Variants in RALGAPA1 observed in about 807,000 individuals in gnomAD.
RALGAPA1 encodes ral GTPase-activating protein subunit alpha-1.
A neutral mutation model predicts 269.6 loss-of-function variants in RALGAPA1; 52 were observed. That is an observed-to-expected ratio of 0.19 (90% CI 0.15 to 0.24). The LOEUF (loss-of-function observed/expected upper bound fraction) is 0.24, where lower values mean the gene tolerates loss of function less well. Among genes scored for constraint, RALGAPA1 ranks in the 10% least tolerant of loss-of-function variants. The pLI, the probability that RALGAPA1 is intolerant of heterozygous loss-of-function variation, is 1.00. For synonymous variants in RALGAPA1, 817 were observed against 1,008.3 expected (o/e 0.81, Z 3.60); for missense variants, 1,917 against 3,013.9 (o/e 0.64, Z 8.52).
At chr14:35,759,681 G>A (rs117358502) in intron 6 of RALGAPA1, among the ~76,000 whole-genome samples, 5,389 of 151,764 alleles carry the variant, frequency 0.036, 235 homozygotes, top group East Asian at 0.25. Context: ...AGTCCGAGGC[G>A]GACCAATCAC....
intron 35 of RALGAPA1, among the ~76,000 whole-genome samples, chr14:35,624,639 G>T (rs2060877889): frequency 6.6e-6 from 1 of 151,900 alleles, no homozygotes; most frequent in African/African-American, 2.4e-5. Flanking sequence ...AGCAAGAAAC[G>T]ATGGCTCAAT....
chr14:35,761,871 C>T (rs903674713), intron 5 of RALGAPA1, among the ~76,000 whole-genome samples: 1 of 152,292 alleles, frequency 6.6e-6, no homozygotes, highest in African/African-American at 2.4e-5. Flanking sequence ...AGAAAAGCTA[C>T]AGGAAGGCTT....
intron 12 of RALGAPA1, among the ~76,000 whole-genome samples, chr14:35,734,189 A>C (rs577339334): frequency 6.6e-6 from 1 of 152,318 alleles, no homozygotes; most frequent in Admixed American, 6.5e-5. Context: ...TTCTTCACAG[A>C]ATTAGAAAAA....
chr14:35,606,553 G>T (rs989215201), intron 35 of RALGAPA1, among the ~76,000 whole-genome samples: 2 of 152,158 alleles, frequency 1.3e-5, no homozygotes, highest in African/African-American at 2.4e-5. Flanking sequence ...TAATAGCCAA[G>T]TTCTTAGACA....
intron 10 of RALGAPA1, 105 bp downstream of exon 10, chr14:35,748,480 C>G: frequency 7.6e-7 from 1 of 1,316,414 alleles, no homozygotes; most frequent in African/African-American, 1.5e-5. Flanking sequence ...TCCTGAACAA[C>G]TACAACTAAA....
chr14:35,612,546 T>TTC (rs2139333986), intron 35 of RALGAPA1, among the ~76,000 whole-genome samples: 1 of 150,664 alleles, frequency 6.6e-6, no homozygotes, highest in East Asian at 1.9e-4. Flanking sequence ...TTCTTCTTTT[T>TTC]TTTTTTTTTT....
chr14:35,750,297 GTTTCA>G (rs980271642), intron 9 of RALGAPA1, among the ~76,000 whole-genome samples, 180 bp downstream of exon 9: 8 of 151,928 alleles, frequency 5.3e-5, no homozygotes, highest in African/African-American at 1.7e-4. Flanking sequence ...TATACTTCCC[GTTTCA>G]TTTCTTTATT....
chr14:35,625,435 A>T lies in RALGAPA1; in HGVS notation c.6858-3T>A. The T allele has an allele frequency of 6.3e-7, 1 of 1,590,612 alleles. No homozygotes were observed. Among genetic ancestry groups the T allele is most frequent in the South Asian group, 1.1e-5 (1 of 88,378 alleles). On this transcript the variant is annotated splice_region_variant and splice_polypyrimidine_tract_variant and intron_variant, in intron 34 of 41. Coordinates refer to ENST00000680220, the MANE Select transcript of RALGAPA1 (RefSeq NM_001346249.2). The stretch of plus-strand genomic sequence containing the variant: ...TCTTCAGGAGATGAAAGCTCCTCCT[A>T]AATAGAGAGATTTATAAACATTTTC...
intron 20 of RALGAPA1, among the ~76,000 whole-genome samples, chr14:35,684,686 T>C (rs1190638450): frequency 6.6e-6 from 1 of 152,190 alleles, no homozygotes; most frequent in Non-Finnish European, 1.5e-5. Flanking sequence ...CCAAGAATGA[T>C]GCCTTGCACC....
At chr14:35,762,058 C>T (rs2073749251) in intron 5 of RALGAPA1, among the ~76,000 whole-genome samples, 1 of 152,158 alleles carries the variant, frequency 6.6e-6, no homozygotes, top group African/African-American at 2.4e-5. Flanking sequence ...CCCTACTTCC[C>T]TCTACATCTA....
intron 35 of RALGAPA1, among the ~76,000 whole-genome samples, chr14:35,618,987 A>AT (rs35852423): frequency 0.13 from 20,083 of 151,386 alleles, 2,258 homozygotes; most frequent in East Asian, 0.31. Flanking sequence ...TACCAATGGG[A>AT]TTTTTTTTTC....
chr14:35,723,299 G>A (rs763020535), intron 14 of RALGAPA1, 35 bp from the exon 15 acceptor site: 2 of 1,194,940 alleles, frequency 1.7e-6, no homozygotes, highest in South Asian at 1.5e-5. Context: ...ACAATAAAAT[G>A]TGTTTAGTGT....
At chr14:35,671,564 T>C in intron 25 of RALGAPA1, 47 bp from the exon 26 acceptor site, 1 of 1,043,752 alleles carries the variant, frequency 9.6e-7, no homozygotes, top group Non-Finnish European at 1.5e-6. Flanking sequence ...TATGTAATCT[T>C]GAGTATCAGC....
rs2058994591 is a variant in RALGAPA1, at chr14:35,597,403, ACTT to A, written c.7054-1617_7054-1615del. Among the ~76,000 whole-genome samples the A allele has an allele frequency of 5.3e-5, 8 of 152,166 alleles. 1 individual carries two copies. Among genetic ancestry groups the A allele is most frequent in the Admixed American group, 5.2e-4 (8 of 15,268 alleles). ...TTGTTTTACTTTAGTTCAGAAAGTT[ACTT>A]ATTTTCAAGTCAATTCTCTGATAAT... is the stretch of plus-strand genomic sequence containing the variant. On this transcript the variant is annotated intron_variant, in intron 36 of 41. Coordinates refer to ENST00000680220, the MANE Select transcript of RALGAPA1 (RefSeq NM_001346249.2).
intron 32 of RALGAPA1, 25 bp downstream of exon 32, chr14:35,635,435 CAAAT>C: frequency 6.5e-7 from 1 of 1,548,186 alleles, no homozygotes; most frequent in African/African-American, 1.4e-5. Context: ...TCTTGGTTAC[CAAAT>C]AAATAATAAA....
chr14:35,733,816 C>A (rs1174292007), intron 12 of RALGAPA1, among the ~76,000 whole-genome samples: 1 of 151,546 alleles, frequency 6.6e-6, no homozygotes, highest in African/African-American at 2.4e-5. Context: ...ATTGATAGAC[C>A]CTTAGAAAGA....
intron 18 of RALGAPA1, among the ~76,000 whole-genome samples, chr14:35,687,304 C>T (rs2066027699): frequency 6.6e-6 from 1 of 152,040 alleles, no homozygotes; most frequent in Non-Finnish European, 1.5e-5. Flanking sequence ...ACTTGGGAAA[C>T]TAACTTATAG....
chr14:35,759,062 CAGCA>C (rs2073451190), intron 6 of RALGAPA1, among the ~76,000 whole-genome samples: 1 of 152,134 alleles, frequency 6.6e-6, no homozygotes, highest in African/African-American at 2.4e-5. Context: ...GACTGCGCTA[CAGCA>C]TAGGCAACAA....
intron 35 of RALGAPA1, among the ~76,000 whole-genome samples, chr14:35,620,225 T>TC (rs1469334586): frequency 6.6e-6 from 1 of 152,160 alleles, no homozygotes; most frequent in Non-Finnish European, 1.5e-5. Context: ...TCAATAAACG[T>TC]CATCCATCAT....
Sources: gnomAD v4.1 joint callset for allele counts (sites outside exome capture counted in the v4.1 genomes callset) on GRCh38, gnomAD v4.1.1 for gene constraint, MANE v1.5 for transcripts, NCBI Gene and HGNC (gene_info 2026-07-23, HGNC 2026-07-21) for gene names.